AGO3: variants seen among roughly 807,000 people sequenced by gnomAD.
AGO3 encodes the protein protein argonaute-3.
In AGO3, 16 loss-of-function variants were observed where a neutral mutation model predicts 105.5. That is an observed-to-expected ratio of 0.15 (90% CI 0.10 to 0.23). The LOEUF (loss-of-function observed/expected upper bound fraction) is 0.23. Among genes scored for constraint, AGO3 ranks in the 10% least tolerant of loss-of-function variants. The pLI is 1.00. For missense variants in AGO3, 534 were observed against 1,088.0 expected, an observed-to-expected ratio of 0.49 and a Z score of 7.16; for synonymous variants, 340 against 367.3, an observed-to-expected ratio of 0.93 and a Z score of 0.85.
At chr1:35,967,801 T>G (rs1004713970) in intron 3 of AGO3, among the ~76,000 whole-genome samples, 8 of 152,224 alleles carry the variant, frequency 5.3e-5, no homozygotes, top group Non-Finnish European at 1.5e-5. Flanking sequence ...AACATTGATA[T>G]GATACTTTTA....
At chr1:35,970,012 G>C (rs1646837436) in intron 3 of AGO3, among the ~76,000 whole-genome samples, 1 of 152,176 alleles carries the variant, frequency 6.6e-6, no homozygotes, top group African/African-American at 2.4e-5. Context: ...TCATTATGTG[G>C]TGCATGACTC....
chr1:35,994,880 T>C (rs1406496731), intron 5 of AGO3, among the ~76,000 whole-genome samples: 1 of 152,154 alleles, frequency 6.6e-6, no homozygotes, highest in East Asian at 1.9e-4. Context: ...ACCAGAAGTC[T>C]CAAATTGTTA....
At position 36,039,997 on chromosome 1, in the gene AGO3, G is replaced by C; in HGVS notation, c.2037+13G>C. On this transcript the variant is annotated intron_variant, in intron 15 of 18. Transcript: ENST00000373191. ...GCAGTTTAGGCAGGTTGGTTACCTA[G>C]AATCTCATCAGACTATGGTGAAATC... The C allele has an allele frequency of 6.2e-7, 1 of 1,601,492 alleles. No homozygotes were observed. The highest frequency in any genetic ancestry group is 8.5e-7 in the Non-Finnish European group (1 of 1,171,470).
chr1:36,008,575 C>A lies in AGO3; in HGVS notation c.794-115C>A. The A allele has an allele frequency of 1.1e-6, 1 of 884,596 alleles. No homozygotes were observed. Among genetic ancestry groups the A allele is most frequent in the Non-Finnish European group, 1.7e-6 (1 of 576,868 alleles). 54.8% of individuals were successfully genotyped at this position (884,596 alleles called of 1,614,324 possible). A position where few individuals can be genotyped will look rare whatever the true frequency, so the allele number is the denominator to read the frequency against. Reference sequence around the variant, plus strand: ...GGTGTTTATATCATCTTGCCTGTATCACAGAATTTTTTGTCTGTTCAGAAT... The same window carrying A: ...GGTGTTTATATCATCTTGCCTGTATAACAGAATTTTTTGTCTGTTCAGAAT... On this transcript the variant is annotated intron_variant, in intron 6 of 18. Transcript: ENST00000373191. The surrounding 1 kb of genome is among the most constrained non-coding windows in gnomAD (Gnocchi z 5.1).
chr1:36,015,403 T>C (rs1310762927), intron 11 of AGO3, among the ~76,000 whole-genome samples: 2 of 152,168 alleles, frequency 1.3e-5, no homozygotes, highest in African/African-American at 4.8e-5. Flanking sequence ...TTATGGATGC[T>C]TCATTACATA....
chr1:35,959,643 A>G (rs1300599621), intron 2 of AGO3, among the ~76,000 whole-genome samples: 2 of 152,184 alleles, frequency 1.3e-5, no homozygotes, highest in African/African-American at 2.4e-5. Flanking sequence ...TATTTTGCTA[A>G]AAGTACTGTA....
Position 35,972,036 on chromosome 1 carries a change from G to A in AGO3, c.325G>A (p.Val109Ile), listed in dbSNP as rs1157775569. Residue 109 changes from valine to isoleucine, a missense_variant, in exon 4 of 19, where the codon GTT (valine) becomes ATT (isoleucine). Val to Ile is a conservative substitution (Grantham distance 29, BLOSUM62 3). Transcript: ENST00000373191. ...PVATTGVDLD[V>I]TLPGEGGKDR... is the part of the protein sequence containing the mutation. ...TTCCCATCAACAGGTAGATTTAGAC[G>A]TTACTTTACCTGGGGAAGGTGGAAA... 1.3e-5 allele frequency: 21 copies of A among 1,613,534 alleles called. No homozygotes were observed. Among genetic ancestry groups the A allele is most frequent in the East Asian group, 2.2e-5 (1 of 44,892 alleles).
chr1:35,944,735 C>T (rs773546385), intron 1 of AGO3, among the ~76,000 whole-genome samples: 7 of 151,946 alleles, frequency 4.6e-5, no homozygotes, highest in Non-Finnish European at 1.0e-4. Context: ...AACTCCCAAC[C>T]TCAGGTGATC....
At chr1:36,017,061 A>G (rs1285965806) in intron 11 of AGO3, among the ~76,000 whole-genome samples, 3 of 152,236 alleles carry the variant, frequency 2.0e-5, no homozygotes, top group African/African-American at 7.2e-5. Context: ...TACGTCATTT[A>G]TAAGTATGGT....
intron 1 of AGO3, among the ~76,000 whole-genome samples, chr1:35,931,791 G>T (rs574005785): frequency 1.3e-5 from 2 of 152,250 alleles, no homozygotes; most frequent in African/African-American, 4.8e-5. Flanking sequence ...TGTGTGTTCC[G>T]TAGAGGCTGG....
At position 36,008,330 on chromosome 1, in the gene AGO3, A is replaced by G. The variant is rs1360001933; in HGVS notation, c.794-360A>G. On this transcript the variant is annotated intron_variant, in intron 6 of 18. Transcript: ENST00000373191. This position sits in a 1 kb window ranked among gnomAD's most constrained non-coding sequence, Gnocchi z 5.1. ...TATGGAATACCTTGAGAATTATTGGATCTCCTCTTTCATTCCTCCTTCCCT... is the reference window on the plus strand; with the variant it reads ...TATGGAATACCTTGAGAATTATTGGGTCTCCTCTTTCATTCCTCCTTCCCT... Among the ~76,000 whole-genome samples the G allele has an allele frequency of 6.6e-6, 1 of 152,178 alleles. No individual in the cohort carries two copies. Among genetic ancestry groups the G allele is most frequent in the Non-Finnish European group, 1.5e-5 (1 of 68,028 alleles).
intron 17 of AGO3, among the ~76,000 whole-genome samples, chr1:36,044,689 A>G (rs1387200100): frequency 6.6e-6 from 1 of 152,006 alleles, no homozygotes; most frequent in Admixed American, 6.6e-5. Flanking sequence ...TAATCCGCCC[A>G]CCTTGGCCTC....
chr1:35,931,081 C>A, upstream of AGO3: 1 of 390,804 alleles, frequency 2.6e-6, no homozygotes, highest in Non-Finnish European at 4.5e-6. Context: ...CTGACGCCGG[C>A]GAGCTTCCGG....
At chr1:36,042,407 T>C (rs1642286561) in intron 16 of AGO3, among the ~76,000 whole-genome samples, 1 of 152,196 alleles carries the variant, frequency 6.6e-6, no homozygotes, top group African/African-American at 2.4e-5. Flanking sequence ...TATATATTAA[T>C]TAGAAGATTT....
chr1:35,997,500 T>C (rs182210534), intron 5 of AGO3, among the ~76,000 whole-genome samples: 2 of 152,276 alleles, frequency 1.3e-5, no homozygotes, highest in African/African-American at 4.8e-5. Flanking sequence ...ATCACAAGGG[T>C]ACAGTGTACT....
Position 35,931,372 on chromosome 1 carries a change from T to C in AGO3, c.-55T>C, listed in dbSNP as rs1006364662. 3.5e-6 allele frequency: 5 copies of C among 1,412,308 alleles called. No homozygotes were observed. In the African/African-American group the frequency reaches 6.0e-5, roughly 17 times the overall value. The allele number at this position is 1,412,308 out of a possible 1,614,324, so 87.5% of individuals were successfully genotyped here. On this transcript the variant is annotated 5_prime_UTR_variant, in exon 1 of 19. Coordinates refer to ENST00000373191, the MANE Select transcript of AGO3 (RefSeq NM_024852.4). Reference sequence around the variant, plus strand: ...CCGCGTCGCCCCCCGGGCCGCCTCCTTGCCGCCAGTGGCGGGCTCCGTTCT... The same window carrying C: ...CCGCGTCGCCCCCCGGGCCGCCTCCCTGCCGCCAGTGGCGGGCTCCGTTCT...
At chr1:35,942,279 T>C (rs1422463193) in intron 1 of AGO3, among the ~76,000 whole-genome samples, 1 of 152,232 alleles carries the variant, frequency 6.6e-6, no homozygotes, top group Non-Finnish European at 1.5e-5. Flanking sequence ...GATATATTGT[T>C]GGATTTAATT....
rs530052461 is a variant in AGO3 at position 36,058,417 on chromosome 1, C to T, written c.*2672C>T. On this transcript the variant is annotated 3_prime_UTR_variant, in exon 19 of 19. Coordinates refer to ENST00000373191, the MANE Select transcript of AGO3 (RefSeq NM_024852.4). ...TTCAGGGGAGCTTTGCACTTTGTAA[C>T]TCATGAAAATTGCATTTTGATTTTT... is the stretch of plus-strand genomic sequence containing the variant. The T allele has an allele frequency of 3.3e-5, 5 of 151,570 alleles. No homozygotes were observed. Among genetic ancestry groups the T allele is most frequent in the Non-Finnish European group, 7.4e-5 (5 of 67,918 alleles). The allele number at this position is 151,570 out of a possible 1,614,324, so 9.4% of individuals were successfully genotyped here.
intron 3 of AGO3, among the ~76,000 whole-genome samples, chr1:35,967,469 C>T (rs142324044): frequency 0.047 from 7,203 of 151,922 alleles, 257 homozygotes; most frequent in South Asian, 0.083. Context: ...GGTTGGAGTG[C>T]AGTAGTGTGA....
Sources: allele counts gnomAD v4.1 joint callset (sites outside exome capture counted in the v4.1 genomes callset), GRCh38; gene constraint gnomAD v4.1.1; non-coding constraint Gnocchi (gnomAD v3.1); transcripts MANE v1.5; gene names NCBI Gene and HGNC (gene_info 2026-07-23, HGNC 2026-07-21).